The following CCN1 variants were observed in gnomAD, a reference collection of about 807,000 sequenced individuals.
The protein encoded by CCN1 is CCN family member 1.
Under a neutral mutation model 38.1 loss-of-function variants are expected in CCN1, and 12 were observed. That is an observed-to-expected ratio of 0.31 (90% CI 0.20 to 0.51). The LOEUF (loss-of-function observed/expected upper bound fraction) is 0.51. CCN1 is among the 20% of genes least tolerant of loss of function. CCN1 has a pLI of 0.97. For missense variants in CCN1, 466 were observed against 490.9 expected (o/e 0.95, Z 0.48); for synonymous variants, 202 against 196.1 (o/e 1.03, Z -0.25).
chr1:85,581,330 C>T, intron 1 of CCN1, 35 bp from the exon 2 acceptor site: 5 of 1,528,182 alleles, frequency 3.3e-6, no homozygotes, highest in Non-Finnish European at 4.4e-6. Flanking sequence ...CTGCGCACCG[C>T]GCCGAGTCTC....
At position 85,582,099 on chromosome 1, in the gene CCN1, T is replaced by A; in HGVS notation, c.449T>A (p.Leu150Gln). The A allele has an allele frequency of 6.2e-7, 1 of 1,614,212 alleles. No homozygotes were observed. Among genetic ancestry groups the A allele is most frequent in the Non-Finnish European group, 8.5e-7 (1 of 1,180,030 alleles). Residue 150 changes from leucine (L) to glutamine (Q), a missense_variant, in exon 3 of 5, where the codon CTG (leucine) becomes CAG (glutamine). By Grantham distance (113) the Leu-to-Gln change is moderately radical (BLOSUM62 -2). Coordinates refer to ENST00000451137, the MANE Select transcript of CCN1 (RefSeq NM_001554.5). ...AACTTGGGCTGTCCCAACCCTCGGC[T>A]GGTCAAAGTTACCGGGCAGTGCTGC... ...LPNLGCPNPR[L>Q]VKVTGQCCEE...
Position 85,582,860 on chromosome 1 carries a change from T to G in CCN1, c.964T>G (p.Cys322Gly). ...KYCGSCVDGR[C>G]CTPQLTRTVK... is the part of the protein sequence containing the mutation. The stretch of plus-strand genomic sequence containing the variant: ...CTGCGGTTCCTGCGTGGACGGCCGA[T>G]GCTGCACGCCCCAGCTGACCAGGAC... Residue 322 changes from cysteine (C) to glycine (G), a missense_variant, in exon 5 of 5, where the codon TGC (cysteine) becomes GGC (glycine). Physicochemically the swap from Cys to Gly is radical, Grantham distance 159. Coordinates refer to ENST00000451137, the MANE Select transcript of CCN1 (RefSeq NM_001554.5). 6.2e-7 allele frequency: 1 copy of G among 1,614,200 alleles called. No individual in the cohort carries two copies. The highest frequency in any genetic ancestry group is 8.5e-7 in the Non-Finnish European group (1 of 1,180,034).
At position 85,582,089 on chromosome 1, in the gene CCN1, A is replaced by G. The variant is rs1233652631; in HGVS notation, c.439A>G (p.Asn147Asp). 6.2e-7 allele frequency: 1 copy of G among 1,614,048 alleles called. No individual in the cohort carries two copies. The highest frequency in any genetic ancestry group is 8.5e-7 in the Non-Finnish European group (1 of 1,180,028). The change falls in exon 3 of 5, where the codon AAC becomes GAC. Residue 147 changes from asparagine (N) to aspartate (D), a missense_variant. Coordinates refer to ENST00000451137, the MANE Select transcript of CCN1 (RefSeq NM_001554.5). ...ATCTCTCCCCAACTTGGGCTGTCCC[A>G]ACCCTCGGCTGGTCAAAGTTACCGG... is the stretch of plus-strand genomic sequence containing the variant. ...ELSLPNLGCPNPRLVKVTGQC... is the reference protein window; with the variant it reads ...ELSLPNLGCPDPRLVKVTGQC...
In CCN1 at chr1:85,581,491, T is replaced by G. The variant is rs774655685; in HGVS notation, c.190T>G (p.Cys64Gly). The G allele has an allele frequency of 1.2e-6, 2 of 1,613,564 alleles. No individual in the cohort carries two copies. The highest frequency in any genetic ancestry group is 1.7e-5 in the Admixed American group (1 of 59,978). ...KVCAKQLNED[C>G]SKTQPCDHTK... The stretch of plus-strand genomic sequence containing the variant: ...CTGCGCCAAGCAGCTCAACGAGGAC[T>G]GCAGCAAAACGCAGCCCTGCGACCA... Residue 64 changes from cysteine to glycine, a missense_variant, in exon 2 of 5, where the codon TGC becomes GGC. Coordinates refer to ENST00000451137, the MANE Select transcript of CCN1 (RefSeq NM_001554.5).
chr1:85,581,265 C>G (rs936541011), intron 1 of CCN1, 100 bp from the exon 2 acceptor site: 8 of 1,315,644 alleles, frequency 6.1e-6, no homozygotes, highest in Non-Finnish European at 8.2e-6. Context: ...CAGAGGCTCC[C>G]CGTCGATAGG....
Position 85,583,063 on chromosome 1 carries a change from G to A in CCN1, c.*21G>A, listed in dbSNP as rs771160411. Reference sequence around the variant, plus strand: ...ACTAAATGCTACCTGGGTTTCCAGGGCACACCTAGACAAACAAGGGAGAAG... The same window carrying A: ...ACTAAATGCTACCTGGGTTTCCAGGACACACCTAGACAAACAAGGGAGAAG... On this transcript the variant is annotated 3_prime_UTR_variant, in exon 5 of 5. Transcript: ENST00000451137. 6.3e-7 allele frequency: 1 copy of A among 1,598,698 alleles called. No individual in the cohort carries two copies. Among genetic ancestry groups the A allele is most frequent in the East Asian group, 2.2e-5 (1 of 44,594 alleles).
At position 85,580,982 on chromosome 1, in the gene CCN1, A is replaced by G; in HGVS notation, c.-3A>G. The G allele has an allele frequency of 6.2e-7, 1 of 1,602,612 alleles. No individual in the cohort carries two copies. Among genetic ancestry groups the G allele is most frequent in the Non-Finnish European group, 8.5e-7 (1 of 1,175,796 alleles). ...TCGCCCCGGGCTACTCCTGCGCGCC[A>G]CAATGAGCTCCCGCATCGCCAGGGC... On this transcript the variant is annotated 5_prime_UTR_variant, in exon 1 of 5. Coordinates refer to ENST00000451137, the MANE Select transcript of CCN1 (RefSeq NM_001554.5).
At position 85,580,928 on chromosome 1, in the gene CCN1, C is replaced by A; in HGVS notation, c.-57C>A. On this transcript the variant is annotated 5_prime_UTR_variant, in exon 1 of 5. Transcript: ENST00000451137. ...CTGCGCACGGCCTGTCCGCTGCACA[C>A]CAGCTTGTTGGCGTCTTCGTCGCCG... 2 of 1,500,788 alleles carry A rather than the reference C, an allele frequency of 1.3e-6. No homozygotes were observed. Among genetic ancestry groups the A allele is most frequent in the African/African-American group, 2.9e-5 (2 of 69,706 alleles). 93.0% of individuals were successfully genotyped at this position (1,500,788 alleles called of 1,614,324 possible). A position where few individuals can be genotyped will look rare whatever the true frequency, so the allele number is the denominator to read the frequency against.
rs899728530 is a variant in CCN1, at chr1:85,583,121, C to T, written c.*79C>T. 4.2e-6 allele frequency: 6 copies of T among 1,425,466 alleles called. No individual in the cohort carries two copies. In the East Asian group the frequency reaches 9.2e-5, roughly 22 times the overall value. 88.3% of individuals were successfully genotyped at this position (1,425,466 alleles called of 1,614,324 possible). ...GAATCAGAATCATGGAGAAAATGGG[C>T]GGGGGTGGTGTGGGTGATGGGACTC... On this transcript the variant is annotated 3_prime_UTR_variant, in exon 5 of 5. Coordinates refer to ENST00000451137, the MANE Select transcript of CCN1 (RefSeq NM_001554.5).
Position 85,581,013 on chromosome 1 carries a change from C to T in CCN1, c.29C>T (p.Ala10Val). The T allele has an allele frequency of 1.2e-6, 2 of 1,610,178 alleles. No homozygotes were observed. The highest frequency in any genetic ancestry group is 1.7e-6 in the Non-Finnish European group (2 of 1,178,668). Residue 10 changes from alanine to valine, a missense_variant, in exon 1 of 5, where the codon GCC (alanine) becomes GTC (valine). Ala to Val is a moderately conservative substitution (Grantham distance 64). Around this residue, in one of 3 missense-constraint regions of CCN1, gnomAD observed 146 missense variants for 141.1 expected, o/e 1.03. Coordinates refer to ENST00000451137, the MANE Select transcript of CCN1 (RefSeq NM_001554.5). ...AGCTCCCGCATCGCCAGGGCGCTCG[C>T]CTTAGTCGTCACCCTTCTCCACTTG... is the stretch of plus-strand genomic sequence containing the variant. MSSRIARAL[A>V]LVVTLLHLTR...
intron 1 of CCN1, 117 bp downstream of exon 1, chr1:85,581,164 C>G (rs1659783020): frequency 1.5e-6 from 2 of 1,339,806 alleles, no homozygotes; most frequent in East Asian, 2.5e-5. Context: ...TGCGGGTAGC[C>G]GTTTCTTTAA....
chr1:85,582,503 A>G lies in CCN1; in HGVS notation c.722A>G (p.Lys241Arg). ...ACAACTTCATGGTCCCAGTGCTCAAAGACCTGTGGAACTGGTATCTCCACA... is the reference window on the plus strand; with the variant it reads ...ACAACTTCATGGTCCCAGTGCTCAAGGACCTGTGGAACTGGTATCTCCACA... Reference protein sequence around the residue: ...VQTTSWSQCSKTCGTGISTRV... With the variant: ...VQTTSWSQCSRTCGTGISTRV... The change falls in exon 4 of 5, where the codon AAG becomes AGG. Residue 241 changes from lysine to arginine, a missense_variant. Lys to Arg is a conservative substitution (Grantham distance 26). Coordinates refer to ENST00000451137, the MANE Select transcript of CCN1 (RefSeq NM_001554.5). 6.2e-7 allele frequency: 1 copy of G among 1,614,194 alleles called. No individual in the cohort carries two copies. The highest frequency in any genetic ancestry group is 1.1e-5 in the South Asian group (1 of 91,076).
rs1409557426 is a variant in CCN1 at position 85,581,461 on chromosome 1, A to G, written c.160A>G (p.Lys54Glu). ...GLVRDGCGCC[K>E]VCAKQLNEDC... is the part of the protein sequence containing the mutation. ...GGTCCGGGACGGCTGCGGCTGCTGTAAGGTCTGCGCCAAGCAGCTCAACGA... is the reference window on the plus strand; with the variant it reads ...GGTCCGGGACGGCTGCGGCTGCTGTGAGGTCTGCGCCAAGCAGCTCAACGA... The change falls in exon 2 of 5, where the codon AAG becomes GAG. Residue 54 changes from lysine (K) to glutamate (E), a missense_variant. By Grantham distance (56) the Lys-to-Glu change is moderately conservative (BLOSUM62 1). Coordinates refer to ENST00000451137, the MANE Select transcript of CCN1 (RefSeq NM_001554.5). 1.2e-6 allele frequency: 2 copies of G among 1,612,102 alleles called. No homozygotes were observed. The highest frequency in any genetic ancestry group is 1.8e-4 in the Middle Eastern group (1 of 5,692).
At chr1:85,581,684 T>C (rs1659794414) in intron 2 of CCN1, 106 bp downstream of exon 2, 1 of 1,396,758 alleles carries the variant, frequency 7.2e-7, no homozygotes, top group Admixed American at 2.0e-5. Context: ...TGTTGGTAGC[T>C]TGGCAGAAAG....
chr1:85,580,920 G>GCTGCACACC lies in CCN1; in HGVS notation c.-64_-56dup. The GCTGCACACC allele has an allele frequency of 6.9e-7, 1 of 1,457,186 alleles. No homozygotes were observed. Among genetic ancestry groups the GCTGCACACC allele is most frequent in the Admixed American group, 2.4e-5 (1 of 40,900 alleles). 90.3% of individuals were successfully genotyped at this position (1,457,186 alleles called of 1,614,324 possible). Reference sequence around the variant, plus strand: ...CGACCCCGCTGCGCACGGCCTGTCCGCTGCACACCAGCTTGTTGGCGTCTT... The same window carrying GCTGCACACC: ...CGACCCCGCTGCGCACGGCCTGTCCGCTGCACACCCTGCACACCAGCTTGTTGGCGTCTT... On this transcript the variant is annotated 5_prime_UTR_variant, in exon 1 of 5. Transcript: ENST00000451137.
rs1051220565 is a variant in CCN1 at position 85,581,383 on chromosome 1, G to T, written c.82G>T (p.Ala28Ser). ...LTRLALSTCP[A>S]ACHCPLEAPK... ...CTTCCAGGCGCTCTCCACCTGCCCC[G>T]CTGCCTGCCACTGCCCCCTGGAGGC... The change falls in exon 2 of 5, where the codon GCT (alanine) becomes TCT (serine). Residue 28 changes from alanine to serine, a missense_variant. This residue lies in a region of CCN1 where 146 missense variants were observed against 141.1 expected (regional missense o/e 1.03). Transcript: ENST00000451137. 6.3e-7 allele frequency: 1 copy of T among 1,595,480 alleles called. No individual in the cohort carries two copies. Among genetic ancestry groups the T allele is most frequent in the Non-Finnish European group, 8.5e-7 (1 of 1,172,138 alleles).
In CCN1 at chr1:85,581,152, T is replaced by C. The variant is rs1042474494; in HGVS notation, c.63+105T>C. ...GGAAAAGTTAAAAAGTTCGCGATCGTTTGCGGGTAGCCGTTTCTTTAAGCA... is the reference window on the plus strand; with the variant it reads ...GGAAAAGTTAAAAAGTTCGCGATCGCTTGCGGGTAGCCGTTTCTTTAAGCA... On this transcript the variant is annotated intron_variant, in intron 1 of 4. Coordinates refer to ENST00000451137, the MANE Select transcript of CCN1 (RefSeq NM_001554.5). The C allele has an allele frequency of 5.9e-5, 82 of 1,390,512 alleles. 1 individual carries two copies. The highest frequency in any genetic ancestry group is 7.8e-5 in the Admixed American group (3 of 38,356). 86.1% of individuals were successfully genotyped at this position (1,390,512 alleles called of 1,614,324 possible).
Position 85,582,859 on chromosome 1 carries a change from A to T in CCN1, c.963A>T (p.Arg321=). Residue 321 remains arginine (R), a synonymous_variant, in exon 5 of 5, where the codon CGA becomes CGT. Coordinates refer to ENST00000451137, the MANE Select transcript of CCN1 (RefSeq NM_001554.5). ...ACTGCGGTTCCTGCGTGGACGGCCG[A>T]TGCTGCACGCCCCAGCTGACCAGGA... ...PKYCGSCVDG[R]CCTPQLTRTV... is the part of the protein sequence containing the mutation. The T allele has an allele frequency of 6.2e-7, 1 of 1,614,184 alleles. No individual in the cohort carries two copies. Among genetic ancestry groups the T allele is most frequent in the Non-Finnish European group, 8.5e-7 (1 of 1,180,036 alleles).
Position 85,582,064 on chromosome 1 carries a change from A to C in CCN1, c.414A>C (p.Leu138=), listed in dbSNP as rs1659800955. The C allele has an allele frequency of 6.2e-7, 1 of 1,613,948 alleles. No individual in the cohort carries two copies. Among genetic ancestry groups the C allele is most frequent in the Non-Finnish European group, 8.5e-7 (1 of 1,180,014 alleles). ...VGCIPLCPQE[L]SLPNLGCPNP... The stretch of plus-strand genomic sequence containing the variant: ...GCATTCCTCTGTGTCCCCAAGAACT[A>C]TCTCTCCCCAACTTGGGCTGTCCCA... The change falls in exon 3 of 5, where the codon CTA becomes CTC. Residue 138 remains leucine, a synonymous_variant. Transcript: ENST00000451137.
Sources: allele counts gnomAD v4.1 joint callset, GRCh38; gene constraint gnomAD v4.1.1; regional missense constraint gnomAD v4.1.1; transcripts MANE v1.5; gene names NCBI Gene and HGNC (gene_info 2026-07-23, HGNC 2026-07-21).